JPH2: variants seen among roughly 807,000 people sequenced by gnomAD.
JPH2 encodes the protein junctophilin 2.
A neutral mutation model predicts 55.9 loss-of-function variants in JPH2; 38 were observed. The observed-to-expected ratio is 0.68, with a 90% CI of 0.52 to 0.89. The LOEUF (loss-of-function observed/expected upper bound fraction) is 0.89, where lower values mean the gene tolerates loss of function less well. Ranked by LOEUF, JPH2 falls within the 40% of genes least tolerant of loss-of-function variation. JPH2 has a pLI of 0.00. For synonymous variants in JPH2, 480 were observed against 472.4 expected (o/e 1.02, Z -0.21); for missense variants, 964 against 1,037.6 (o/e 0.93, Z 0.97).
chr20:44,123,686 A>G (rs996046141), intron 2 of JPH2, among the ~76,000 whole-genome samples: 2 of 152,196 alleles, frequency 1.3e-5, no homozygotes, highest in Admixed American at 1.3e-4. Context: ...CCCACCCAGT[A>G]TCTTCATCAC....
In JPH2 at chr20:44,116,230, C is replaced by G; in HGVS notation, c.1445G>C (p.Gly482Ala). The G allele has an allele frequency of 7.0e-7, 1 of 1,431,732 alleles. No homozygotes were observed. The highest frequency in any genetic ancestry group is 9.1e-7 in the Non-Finnish European group (1 of 1,103,142). 88.7% of individuals were successfully genotyped at this position (1,431,732 alleles called of 1,614,324 possible). ...CGTCCCGGCCGGTGACGGGGAGCCA[C>G]CCTCGGGCCGAGGGGTCTCACGCTC... ...LHERETPRPEGGSPSPAGTPP... is the reference protein window; with the variant it reads ...LHERETPRPEAGSPSPAGTPP... Residue 482 changes from glycine to alanine, a missense_variant, in exon 4 of 6, where the codon GGT (glycine) becomes GCT (alanine). By Grantham distance (60) the Gly-to-Ala change is moderately conservative. Transcript: ENST00000372980.
Position 44,186,461 on chromosome 20 carries a change from T to C in JPH2, c.245A>G (p.Tyr82Cys), listed in dbSNP as rs774330827. 1.6e-5 allele frequency: 26 copies of C among 1,614,090 alleles called. No individual in the cohort carries two copies. Among genetic ancestry groups the C allele is most frequent in the Non-Finnish European group, 2.2e-5 (26 of 1,180,006 alleles). ...LGIETKGRWLYKGEWTHGFKG... is the reference protein window; with the variant it reads ...LGIETKGRWLCKGEWTHGFKG... The stretch of plus-strand genomic sequence containing the variant: ...GAAGCCATGTGTCCACTCGCCCTTG[T>C]AGAGCCAGCGCCCCTTGGTCTCTAT... Residue 82 changes from tyrosine to cysteine, a missense_variant, in exon 1 of 6, where the codon TAC (tyrosine) becomes TGC (cysteine). Tyr to Cys is a radical substitution (Grantham distance 194, BLOSUM62 -2). Transcript: ENST00000372980.
intron 2 of JPH2, among the ~76,000 whole-genome samples, chr20:44,150,405 G>A (rs896743599): frequency 1.3e-5 from 2 of 152,198 alleles, no homozygotes; most frequent in African/African-American, 4.8e-5. Flanking sequence ...TAAATTGAAA[G>A]GTGCTCCATG....
rs142489602 is a variant in JPH2 at position 44,152,084 on chromosome 20, C to T, written c.1169+7534G>A. Reference sequence around the variant, plus strand: ...AATCCCTGCATGGCTTCGCCCTCAACGTGGGGGTCTCCAGAGGACGCTGCC... The same window carrying T: ...AATCCCTGCATGGCTTCGCCCTCAATGTGGGGGTCTCCAGAGGACGCTGCC... On this transcript the variant is annotated intron_variant, in intron 2 of 5. Coordinates refer to ENST00000372980, the MANE Select transcript of JPH2 (RefSeq NM_020433.5). Among the ~76,000 whole-genome samples, 10 of 152,352 alleles carry T rather than the reference C, an allele frequency of 6.6e-5. No homozygotes were observed. The East Asian group carries it at 1.5e-3, about 24-fold the overall frequency.
intron 3 of JPH2, among the ~76,000 whole-genome samples, chr20:44,117,216 T>A (rs1195652877): frequency 6.6e-6 from 1 of 152,194 alleles, no homozygotes; most frequent in Admixed American, 6.5e-5. Context: ...GAGTCGGAAG[T>A]TGCAGTGAGC....
At position 44,160,745 on chromosome 20, in the gene JPH2, C is replaced by T. The variant is rs1157054502; in HGVS notation, c.380-338G>A. On this transcript the variant is annotated intron_variant, in intron 1 of 5. Transcript: ENST00000372980. This position sits in a 1 kb window ranked among gnomAD's most constrained non-coding sequence, Gnocchi z 4.9. ...GTGTGTGTATTTGTGCAAGATCGTG[C>T]GTACAAGACACTTGTGGGCGTGCAT... 1.3e-5 allele frequency among the ~76,000 whole-genome samples: 2 copies of T among 152,142 alleles called. No homozygotes were observed. Among genetic ancestry groups the T allele is most frequent in the Admixed American group, 6.5e-5 (1 of 15,278 alleles).
In JPH2 at chr20:44,167,739, C is replaced by G. The variant is rs372823437; in HGVS notation, c.380-7332G>C. On this transcript the variant is annotated intron_variant, in intron 1 of 5. Coordinates refer to ENST00000372980, the MANE Select transcript of JPH2 (RefSeq NM_020433.5). Reference sequence around the variant, plus strand: ...CTAAGACATGCATAAACTATTTAAGCCTGCGGAGCCTCAGTTTGTCATTCT... The same window carrying G: ...CTAAGACATGCATAAACTATTTAAGGCTGCGGAGCCTCAGTTTGTCATTCT... 8.5e-5 allele frequency among the ~76,000 whole-genome samples: 13 copies of G among 152,250 alleles called. No homozygotes were observed. In the South Asian group the frequency reaches 2.7e-3, roughly 32 times the overall value.
chr20:44,183,405 AG>A (rs1419876126), intron 1 of JPH2, among the ~76,000 whole-genome samples: 4 of 152,356 alleles, frequency 2.6e-5, no homozygotes, highest in South Asian at 2.1e-4. Context: ...GCCGGGTAGC[AG>A]CCATAGGCAC....
In JPH2 at chr20:44,110,631, A is replaced by G. The variant is rs545666396; in HGVS notation, c.*2887T>C. Among the ~76,000 whole-genome samples, 1 of 152,168 alleles carries G rather than the reference A, an allele frequency of 6.6e-6. No homozygotes were observed. The highest frequency in any genetic ancestry group is 1.9e-4 in the East Asian group (1 of 5,186). On this transcript the variant is annotated 3_prime_UTR_variant, in exon 6 of 6. Coordinates refer to ENST00000372980, the MANE Select transcript of JPH2 (RefSeq NM_020433.5). Reference sequence around the variant, plus strand: ...TTTTTAGTAGAGATGGGGTTTTGCCATGTTGGCCAGGCTGGTCTCAAACTC... The same window carrying G: ...TTTTTAGTAGAGATGGGGTTTTGCCGTGTTGGCCAGGCTGGTCTCAAACTC...
chr20:44,121,684 A>C (rs1075174), intron 2 of JPH2, among the ~76,000 whole-genome samples: 104,276 of 151,742 alleles, frequency 0.69, 35,867 homozygotes, highest in Admixed American at 0.74. Flanking sequence ...ATCCAAGGCA[A>C]AGGAGTATTC....
At chr20:44,169,399 C>T (rs1316428176) in intron 1 of JPH2, among the ~76,000 whole-genome samples, 1 of 152,036 alleles carries the variant, frequency 6.6e-6, no homozygotes, top group Non-Finnish European at 1.5e-5. Context: ...AGGCTAGTCT[C>T]GAACTCCTGA....
intron 1 of JPH2, among the ~76,000 whole-genome samples, chr20:44,182,339 G>C (rs973694704): frequency 6.6e-6 from 1 of 152,206 alleles, no homozygotes; most frequent in African/African-American, 2.4e-5. Context: ...GTTACACCTC[G>C]TGTGTGGCTT....
chr20:44,161,131 G>T (rs553040842), intron 1 of JPH2, among the ~76,000 whole-genome samples: 10 of 152,142 alleles, frequency 6.6e-5, no homozygotes, highest in African/African-American at 2.4e-4. Flanking sequence ...GCACAGTGGG[G>T]TGAGTGCCTG....
Position 44,160,312 on chromosome 20 carries a change from G to T in JPH2, c.475C>A (p.Leu159Met). ...YGMAVVVRSP[L>M]RTSLSSLRSE... Reference sequence around the variant, plus strand: ...CGCAGGGACGACAGCGACGTGCGCAGCGGCGAGCGCACCACCACGGCCATC... The same window carrying T: ...CGCAGGGACGACAGCGACGTGCGCATCGGCGAGCGCACCACCACGGCCATC... Residue 159 changes from leucine to methionine, a missense_variant, in exon 2 of 6, where the codon CTG becomes ATG. Leu to Met is a conservative substitution (Grantham distance 15). Coordinates refer to ENST00000372980, the MANE Select transcript of JPH2 (RefSeq NM_020433.5). This position sits in a 1 kb window ranked among gnomAD's most constrained non-coding sequence, Gnocchi z 4.9. 6.4e-7 allele frequency: 1 copy of T among 1,557,944 alleles called. No individual in the cohort carries two copies. The highest frequency in any genetic ancestry group is 1.4e-5 in the African/African-American group (1 of 73,616).
intron 1 of JPH2, among the ~76,000 whole-genome samples, chr20:44,163,714 T>C (rs1483671159): frequency 6.6e-6 from 1 of 152,220 alleles, no homozygotes; most frequent in Non-Finnish European, 1.5e-5. Context: ...TGCGAGCCCA[T>C]GGCTCTTAAT....
At position 44,164,700 on chromosome 20, in the gene JPH2, AAACAAACAAACAAAC is replaced by A. The variant is rs1476051043; in HGVS notation, c.380-4308_380-4294del. Among the ~76,000 whole-genome samples the A allele has an allele frequency of 3.7e-3, 561 of 151,652 alleles. 5 individuals carry two copies. The highest frequency in any genetic ancestry group is 0.013 in the African/African-American group (528 of 41,102). On this transcript the variant is annotated intron_variant, in intron 1 of 5. Transcript: ENST00000372980. The stretch of plus-strand genomic sequence containing the variant: ...CAAACAAACAAACAAACAAACAAAC[AAACAAACAAACAAAC>A]AAACCTATAGTGCCAGAAAGTGGAT...
chr20:44,170,331 G>A (rs1187714904), intron 1 of JPH2, among the ~76,000 whole-genome samples: 4 of 152,170 alleles, frequency 2.6e-5, no homozygotes, highest in Non-Finnish European at 5.9e-5. Context: ...CAGCTCTCTT[G>A]TCTTTATCTT....
At chr20:44,154,594 G>A (rs967503279) in intron 2 of JPH2, among the ~76,000 whole-genome samples, 10 of 152,206 alleles carry the variant, frequency 6.6e-5, no homozygotes, top group South Asian at 2.1e-4. Context: ...CGTAGCCTCC[G>A]GGCTGACAAA....
At chr20:44,134,908 A>T (rs879358708) in intron 2 of JPH2, among the ~76,000 whole-genome samples, 46,823 of 119,756 alleles carry the variant, frequency 0.39, 9,844 homozygotes, top group Admixed American at 0.52. Context: ...TTATATATAT[A>T]TATAAAATAT....
Sources: allele counts gnomAD v4.1 joint callset (sites outside exome capture counted in the v4.1 genomes callset), GRCh38; gene constraint gnomAD v4.1.1; non-coding constraint Gnocchi (gnomAD v3.1); transcripts MANE v1.5; gene names NCBI Gene and HGNC (gene_info 2026-07-23, HGNC 2026-07-21).